ZNF345: variants seen among roughly 807,000 people sequenced by gnomAD.
ZNF345 encodes zinc finger protein 345.
For missense variants in ZNF345, 527 were observed against 589.9 expected (o/e 0.89, Z 1.10); for synonymous variants, 166 against 187.9 (o/e 0.88, Z 0.95).
intron 3 of ZNF345, chr19:36,892,617 A>C (rs2073068886): frequency 2.4e-6 from 2 of 843,168 alleles, no homozygotes; most frequent in South Asian, 3.8e-5. Context: ...AAAACTGACA[A>C]GAAAAGCACA....
At chr19:36,883,522 C>T (rs971576745), downstream of ZNF345, among the ~76,000 whole-genome samples, 1 of 152,196 alleles carries the variant, frequency 6.6e-6, no homozygotes, top group Non-Finnish European at 1.5e-5. Context: ...ATATAAAATA[C>T]TGGTGGCAAT....
chr19:36,877,221 T>C lies in ZNF345; in HGVS notation c.391T>C (p.Ser131Pro), dbSNP rs1006539751. ...KECGKAFGSG[S>P]NLTHHQRIHT... ...ATGTGGGAAGGCCTTTGGTAGTGGC[T>C]CAAACCTTACTCACCATCAGAGAAT... The change falls in exon 3 of 3, where the codon TCA (serine) becomes CCA (proline). Residue 131 changes from serine (S) to proline (P), a missense_variant. By Grantham distance (74) the Ser-to-Pro change is moderately conservative. Transcript: ENST00000420450. 3.0e-5 allele frequency: 49 copies of C among 1,613,936 alleles called. No individual in the cohort carries two copies. Among genetic ancestry groups the C allele is most frequent in the Non-Finnish European group, 4.1e-5 (48 of 1,179,922 alleles).
At chr19:36,886,675 G>A (rs1472794599) in intron 3 of ZNF345, among the ~76,000 whole-genome samples, 5 of 151,876 alleles carry the variant, frequency 3.3e-5, no homozygotes, top group African/African-American at 1.2e-4. Context: ...GTGAAGCCCC[G>A]TCTCTACTAA....
At chr19:36,891,936 T>A (rs1360759344) in intron 3 of ZNF345, 6 of 1,613,856 alleles carry the variant, frequency 3.7e-6, no homozygotes, top group Non-Finnish European at 5.1e-6. Flanking sequence ...TTCTCAGATG[T>A]AGAAAAAGTT....
intron 3 of ZNF345, among the ~76,000 whole-genome samples, chr19:36,886,207 A>G (rs1410372143): frequency 6.6e-6 from 1 of 152,238 alleles, no homozygotes; most frequent in Non-Finnish European, 1.5e-5. Context: ...TAAATAATTT[A>G]TGTAGATATT....
At chr19:36,887,729 G>T (rs2073011023) in intron 3 of ZNF345, among the ~76,000 whole-genome samples, 1 of 152,152 alleles carries the variant, frequency 6.6e-6, no homozygotes, top group African/African-American at 2.4e-5. Context: ...TAAAAGTCAA[G>T]ATTCGAGACT....
chr19:36,879,685 C>T (rs769999862), downstream of ZNF345: 2 of 155,112 alleles, frequency 1.3e-5, no homozygotes, highest in East Asian at 1.9e-4. Context: ...CAGATAAAGC[C>T]GGCCTTTCCT....
chr19:36,886,754 G>A (rs1198120899), intron 3 of ZNF345, among the ~76,000 whole-genome samples: 4 of 151,880 alleles, frequency 2.6e-5, no homozygotes, highest in Non-Finnish European at 5.9e-5. Flanking sequence ...TTGGGAGGCC[G>A]AGGCGGGCGG....
intron 2 of ZNF345, among the ~76,000 whole-genome samples, chr19:36,857,664 A>G (rs2146133757): frequency 6.6e-6 from 1 of 152,276 alleles, no homozygotes; most frequent in East Asian, 1.9e-4. Context: ...CAGTACACTC[A>G]GTTGTCTCTA....
intron 2 of ZNF345, among the ~76,000 whole-genome samples, chr19:36,873,063 C>G (rs568077367): frequency 6.6e-6 from 1 of 152,128 alleles, no homozygotes; most frequent in Non-Finnish European, 1.5e-5. Flanking sequence ...ATTTCTGTAT[C>G]TTTTTTGTAT....
At chr19:36,855,144 C>T (rs1211239734) in intron 2 of ZNF345, among the ~76,000 whole-genome samples, 1 of 142,224 alleles carries the variant, frequency 7.0e-6, no homozygotes, top group Non-Finnish European at 1.5e-5. Context: ...AGCCACCACG[C>T]CCAGCCTTTT....
At chr19:36,867,640 T>C (rs2072686656) in intron 2 of ZNF345, among the ~76,000 whole-genome samples, 1 of 152,238 alleles carries the variant, frequency 6.6e-6, no homozygotes, top group African/African-American at 2.4e-5. Context: ...AAGAATTTTA[T>C]GATTTAGCAC....
chr19:36,884,993 G>C (rs891229941), intron 3 of ZNF345, among the ~76,000 whole-genome samples: 2 of 152,068 alleles, frequency 1.3e-5, no homozygotes, highest in African/African-American at 2.4e-5. Context: ...TCTATTGGCA[G>C]TATACTTCAG....
chr19:36,874,492 T>TG (rs2072840234), intron 2 of ZNF345, among the ~76,000 whole-genome samples: 1 of 91,336 alleles, frequency 1.1e-5, no homozygotes, highest in African/African-American at 5.8e-5. Flanking sequence ...GAAACTCCAC[T>TG]AAAAAAAAAA....
intron 2 of ZNF345, among the ~76,000 whole-genome samples, chr19:36,857,770 G>C (rs1220021253): frequency 6.6e-6 from 1 of 151,970 alleles, no homozygotes; most frequent in Non-Finnish European, 1.5e-5. Flanking sequence ...TTTCATTTAA[G>C]CTATTCTTTT....
At chr19:36,883,926 A>G (rs996422356), downstream of ZNF345, among the ~76,000 whole-genome samples, 4 of 152,218 alleles carry the variant, frequency 2.6e-5, no homozygotes, top group African/African-American at 9.6e-5. Flanking sequence ...GACACCAGGC[A>G]CAAGTTCAGA....
intron 2 of ZNF345, chr19:36,858,169 C>G (rs1017721241): frequency 1.3e-5 from 2 of 152,194 alleles, no homozygotes; most frequent in African/African-American, 4.8e-5. Flanking sequence ...GCCTGAGCAT[C>G]GCCATTTTTC....
intron 2 of ZNF345, among the ~76,000 whole-genome samples, chr19:36,855,671 C>T (rs1006176698): frequency 2.0e-5 from 3 of 151,908 alleles, no homozygotes; most frequent in Non-Finnish European, 4.4e-5. Context: ...AGGCTGGTCT[C>T]GAACTCCTGA....
chr19:36,883,526 TG>T (rs2072980340), downstream of ZNF345, among the ~76,000 whole-genome samples: 1 of 152,202 alleles, frequency 6.6e-6, no homozygotes, highest in East Asian at 1.9e-4. Context: ...AAAATACTGG[TG>T]GCAATAGCAT....
Sources: allele counts gnomAD v4.1 joint callset (sites outside exome capture counted in the v4.1 genomes callset), GRCh38; gene constraint gnomAD v4.1.1; transcripts MANE v1.5; gene names NCBI Gene and HGNC (gene_info 2026-07-23, HGNC 2026-07-21).